RIF1: variants seen among roughly 807,000 people sequenced by gnomAD.
The protein encoded by RIF1 is telomere-associated protein RIF1.
RIF1 carries 45 observed loss-of-function variants against 247.1 expected under a neutral mutation model. The ratio of observed to expected loss-of-function variants is 0.18; its 90% CI spans 0.14 to 0.23. The LOEUF (loss-of-function observed/expected upper bound fraction) is 0.23, where lower values mean the gene tolerates loss of function less well. RIF1 is among the 10% of genes least tolerant of loss of function. The probability of loss-of-function intolerance (pLI) is 1.00; values close to 1 mark genes in which losing one functional copy is unlikely to be tolerated. For synonymous variants in RIF1, 1,087 were observed against 978.8 expected, an observed-to-expected ratio of 1.11 and a Z score of -2.06; for missense variants, 2,967 against 2,862.5, an observed-to-expected ratio of 1.04 and a Z score of -0.83.
chr2:151,452,832 C>A (rs1271191178), intron 21 of RIF1, among the ~76,000 whole-genome samples: 1 of 152,208 alleles, frequency 6.6e-6, no homozygotes, highest in African/African-American at 2.4e-5. Context: ...TATGTTGGTA[C>A]TTCTGAAATT....
the RIF1 span, chr2:151,527,132 T>C: frequency 1.4e-6 from 1 of 708,032 alleles, no homozygotes; most frequent in South Asian, 1.9e-5. Context: ...AAAGACTTGC[T>C]ACCAGAATGA....
At chr2:151,531,019 C>T in the RIF1 span, 13 of 1,612,706 alleles carry the variant, frequency 8.1e-6, no homozygotes, top group African/African-American at 5.3e-5. Context: ...TTTAACCTTG[C>T]GGACATGCAG....
rs1334899563 is a variant in RIF1 at position 151,466,119 on chromosome 2, A to C, written c.6599A>C (p.Lys2200Thr). The change falls in exon 30 of 36, where the codon AAG (lysine) becomes ACG (threonine). Residue 2200 changes from lysine (K) to threonine (T), a missense_variant and splice_region_variant. By Grantham distance (78) the Lys-to-Thr change is moderately conservative. This residue lies in a region of RIF1 where 2,028 missense variants were observed against 1,825.6 expected (regional missense o/e 1.11). Transcript: ENST00000444746. ...GATGAAATCTCATCACCTGTTAATA[A>C]GGTAAGGGGAATGAGGCTAAATATT... ...QEDEISSPVN[K>T]VRRVSFADPI... The C allele has an allele frequency of 6.5e-7, 1 of 1,547,380 alleles. No homozygotes were observed. The highest frequency in any genetic ancestry group is 1.4e-5 in the African/African-American group (1 of 72,514).
downstream of RIF1, chr2:151,512,584 G>A (rs775285591): frequency 2.9e-6 from 2 of 681,448 alleles, no homozygotes; most frequent in Non-Finnish European, 5.2e-6. Flanking sequence ...AAAGTGCTGG[G>A]AATACAGACG....
Position 151,478,984 on chromosome 2 carries a change from G to T in RIF1, c.*3913G>T, listed in dbSNP as rs1352202014. The stretch of plus-strand genomic sequence containing the variant: ...CTTTGTATAGAAACATTAGAGTGAG[G>T]TTTTGATTTTTAACATAGTACTCTC... On this transcript the variant is annotated 3_prime_UTR_variant, in exon 36 of 36. Transcript: ENST00000444746. The T allele has an allele frequency of 6.6e-6, 1 of 152,144 alleles. No individual in the cohort carries two copies. The highest frequency in any genetic ancestry group is 1.5e-5 in the Non-Finnish European group (1 of 68,038). The allele number at this position is 152,144 out of a possible 1,614,324, so 9.4% of individuals were successfully genotyped here. A position where few individuals can be genotyped will look rare whatever the true frequency, so the allele number is the denominator to read the frequency against.
intron 20 of RIF1, among the ~76,000 whole-genome samples, chr2:151,450,625 G>T (rs773987398): frequency 6.6e-6 from 1 of 151,478 alleles, no homozygotes; most frequent in Admixed American, 6.6e-5. Flanking sequence ...TCGCTCTGTC[G>T]CAGGCTGGCG....
chr2:151,510,296 A>G (rs1356925622), downstream of RIF1, among the ~76,000 whole-genome samples: 2 of 152,006 alleles, frequency 1.3e-5, no homozygotes, highest in Non-Finnish European at 2.9e-5. Flanking sequence ...CCTGTTAAGA[A>G]TTCCTTCATT....
At chr2:151,447,581 T>C (rs962380832) in intron 20 of RIF1, among the ~76,000 whole-genome samples, 3 of 152,254 alleles carry the variant, frequency 2.0e-5, no homozygotes, top group African/African-American at 2.4e-5. Context: ...AGTCTCACTC[T>C]GCTGCGCAGG....
chr2:151,455,827 A>G (rs1276604277), intron 22 of RIF1, among the ~76,000 whole-genome samples: 1 of 152,196 alleles, frequency 6.6e-6, no homozygotes, highest in Admixed American at 6.5e-5. Flanking sequence ...TCCTTGTACC[A>G]TATACATGAG....
intron 21 of RIF1, among the ~76,000 whole-genome samples, chr2:151,454,490 A>T (rs1367580949): frequency 6.6e-6 from 1 of 152,154 alleles, no homozygotes; most frequent in Non-Finnish European, 1.5e-5. Context: ...CTTAGTGGAA[A>T]TTTTTTGTTT....
intron 27 of RIF1, among the ~76,000 whole-genome samples, chr2:151,461,804 G>C (rs1326323459): frequency 2.0e-5 from 3 of 152,108 alleles, no homozygotes; most frequent in Non-Finnish European, 4.4e-5. Flanking sequence ...CTTCTCTGAG[G>C]TGGGAAATAC....
At chr2:151,445,803 TGCTGGGATTACAGGCGTGA>T (rs1232673035) in intron 19 of RIF1, among the ~76,000 whole-genome samples, 1 of 152,216 alleles carries the variant, frequency 6.6e-6, no homozygotes, top group Non-Finnish European at 1.5e-5. Context: ...CCTCCCAAAG[TGCTGGGATTACAGGCGTGA>T]GCCACTGTGC....
chr2:151,493,690 A>G (rs937579568), intron 9 of RIF1: 2 of 1,150,966 alleles, frequency 1.7e-6, no homozygotes, highest in Admixed American at 5.3e-5. Flanking sequence ...AAAGTTTTGG[A>G]AAAACTGTAA....
chr2:151,457,688 T>G, intron 23 of RIF1, 73 bp from the exon 24 acceptor site: 1 of 1,132,656 alleles, frequency 8.8e-7, no homozygotes, highest in Non-Finnish European at 1.3e-6. Flanking sequence ...ATTTTAAAAA[T>G]TGAAATAGCA....
At chr2:151,467,629 C>T (rs1184515266) in intron 30 of RIF1, among the ~76,000 whole-genome samples, 1 of 152,180 alleles carries the variant, frequency 6.6e-6, no homozygotes, top group Non-Finnish European at 1.5e-5. Flanking sequence ...AGGTGCGAGC[C>T]ACTGCGCCTG....
chr2:151,443,852 A>G, intron 18 of RIF1, 143 bp downstream of exon 18: 2 of 498,018 alleles, frequency 4.0e-6, no homozygotes, highest in Non-Finnish European at 3.4e-6. Flanking sequence ...TGTACTTTTG[A>G]TTGATTTTAT....
In RIF1 at chr2:151,412,527, G is replaced by A. The variant is rs188093606; in HGVS notation, c.183+1189G>A. ...GTTTGAGACAGAGTCTTGCTGTGTC[G>A]CCCGTGCTGGAGTGCAGTGGCACAA... is the stretch of plus-strand genomic sequence containing the variant. On this transcript the variant is annotated intron_variant, in intron 3 of 35. Transcript: ENST00000444746. Among the ~76,000 whole-genome samples, 65 of 152,008 alleles carry A rather than the reference G, an allele frequency of 4.3e-4. 1 individual carries two copies. The highest frequency in any genetic ancestry group is 1.4e-3 in the African/African-American group (59 of 41,476).
intron 3 of RIF1, among the ~76,000 whole-genome samples, chr2:151,414,083 C>T (rs1394100046): frequency 3.3e-5 from 5 of 152,068 alleles, no homozygotes; most frequent in South Asian, 2.1e-4. Flanking sequence ...AGGCCTGAGG[C>T]GGGTGGATCA....
intron 21 of RIF1, among the ~76,000 whole-genome samples, chr2:151,451,907 C>T (rs1694377478): frequency 6.6e-6 from 1 of 152,100 alleles, no homozygotes; most frequent in African/African-American, 2.4e-5. Flanking sequence ...GTATCATTCT[C>T]TTATCTCTAT....
Sources: allele counts gnomAD v4.1 joint callset (sites outside exome capture counted in the v4.1 genomes callset), GRCh38; gene constraint gnomAD v4.1.1; regional missense constraint gnomAD v4.1.1; transcripts MANE v1.5; gene names NCBI Gene and HGNC (gene_info 2026-07-23, HGNC 2026-07-21).